The following ICA1 variants were observed in gnomAD, a reference collection of about 807,000 sequenced individuals.
ICA1 encodes 69 kDa islet cell autoantigen.
Under a neutral mutation model 71.0 loss-of-function variants are expected in ICA1, and 40 were observed. The observed-to-expected ratio is 0.56, with a 90% CI of 0.44 to 0.73. ICA1 has a LOEUF of 0.73. ICA1 is among the 30% of genes least tolerant of loss of function. The pLI is 0.00. For missense variants in ICA1, 578 were observed against 576.5 expected (o/e 1.00, Z -0.03); for synonymous variants, 207 against 209.5 (o/e 0.99, Z 0.10).
chr7:8,238,963 C>T (rs1802778000), intron 1 of ICA1, among the ~76,000 whole-genome samples: 1 of 152,170 alleles, frequency 6.6e-6, no homozygotes, highest in Non-Finnish European at 1.5e-5. Flanking sequence ...CATTCTTAAG[C>T]ACATTAAAGT....
chr7:8,171,278 T>C (rs1424493433), intron 6 of ICA1, among the ~76,000 whole-genome samples: 2 of 151,900 alleles, frequency 1.3e-5, no homozygotes, highest in Non-Finnish European at 3.0e-5. Context: ...AGAACTGAGG[T>C]TTCCTTTGTA....
intron 3 of ICA1, among the ~76,000 whole-genome samples, chr7:8,231,917 A>G (rs1800396573): frequency 6.6e-6 from 1 of 152,212 alleles, no homozygotes; most frequent in Non-Finnish European, 1.5e-5. Flanking sequence ...ACCTTAGTGT[A>G]TATATTAAAA....
chr7:8,169,901 A>AGTGTATGTGT, intron 6 of ICA1, among the ~76,000 whole-genome samples: 1 of 147,196 alleles, frequency 6.8e-6, no homozygotes, highest in Middle Eastern at 3.4e-3. Flanking sequence ...TTAATGCCTG[A>AGTGTATGTGT]GTGTGTGTGT....
chr7:8,157,485 C>G (rs1304027295), intron 7 of ICA1: 2 of 422,626 alleles, frequency 4.7e-6, no homozygotes, highest in Non-Finnish European at 8.3e-6. Context: ...TCTGATCCAT[C>G]CTCCAAAACC....
intron 6 of ICA1, among the ~76,000 whole-genome samples, chr7:8,211,894 T>C (rs1017250300): frequency 1.3e-5 from 2 of 152,156 alleles, no homozygotes; most frequent in Non-Finnish European, 2.9e-5. Flanking sequence ...AGACCACTTA[T>C]AGTCCTAAGT....
At chr7:8,117,697 C>T (rs1002158081) in intron 13 of ICA1, among the ~76,000 whole-genome samples, 2 of 152,126 alleles carry the variant, frequency 1.3e-5, no homozygotes, top group Admixed American at 6.5e-5. Context: ...GGCATACTCT[C>T]GTCACAGTGT....
rs113478525 is a variant in ICA1, at chr7:8,132,743, C to T, written c.1061-4601G>A. On this transcript the variant is annotated intron_variant, in intron 12 of 13. Coordinates refer to ENST00000402384, the MANE Select transcript of ICA1 (RefSeq NM_001136020.3). This position sits in a 1 kb window ranked among gnomAD's most constrained non-coding sequence, Gnocchi z 4.5. ...ATCCCAAACCATCATACCTTCCCTA[C>T]ATTCTCTATAGAAGATCTTTTCTAT... 2.2e-3 allele frequency among the ~76,000 whole-genome samples: 341 copies of T among 152,350 alleles called. 1 individual carries two copies. Among genetic ancestry groups the T allele is most frequent in the African/African-American group, 7.7e-3 (320 of 41,582 alleles).
intron 9 of ICA1, among the ~76,000 whole-genome samples, chr7:8,142,640 A>C (rs1795618411): frequency 6.6e-6 from 1 of 152,170 alleles, no homozygotes; most frequent in African/African-American, 2.4e-5. Flanking sequence ...CAGCCCCTTA[A>C]CCTTCCGGAA....
intron 13 of ICA1, among the ~76,000 whole-genome samples, chr7:8,122,222 C>T (rs192146397): frequency 3.9e-5 from 6 of 152,244 alleles, no homozygotes; most frequent in East Asian, 1.9e-4. Context: ...TGATAGCACA[C>T]GTGGTTCTCC....
chr7:8,176,197 T>G (rs955126212), intron 6 of ICA1, among the ~76,000 whole-genome samples: 1 of 152,244 alleles, frequency 6.6e-6, no homozygotes, highest in Non-Finnish European at 1.5e-5. Flanking sequence ...AGAGGTCTCC[T>G]TTCCCATGTT....
rs1434192775 is a variant in ICA1, at chr7:8,132,574, C to T, written c.1061-4432G>A. On this transcript the variant is annotated intron_variant, in intron 12 of 13. Transcript: ENST00000402384. The surrounding 1 kb of genome is among the most constrained non-coding windows in gnomAD (Gnocchi z 4.5). ...CTCTTTTCCCAGGCCTTTACCTGTA[C>T]AGCATCATTTGTACCACTGCCCAGC... Among the ~76,000 whole-genome samples, 1 of 152,194 alleles carries T rather than the reference C, an allele frequency of 6.6e-6. No individual in the cohort carries two copies. The highest frequency in any genetic ancestry group is 2.4e-5 in the African/African-American group (1 of 41,446).
chr7:8,217,977 A>G (rs1420201185), intron 6 of ICA1, among the ~76,000 whole-genome samples: 1 of 152,198 alleles, frequency 6.6e-6, no homozygotes, highest in Non-Finnish European at 1.5e-5. Flanking sequence ...AACCTCCCAG[A>G]TTCATTTGAT....
At chr7:8,233,014 T>C (rs1325305286) in intron 2 of ICA1, among the ~76,000 whole-genome samples, 1 of 148,236 alleles carries the variant, frequency 6.7e-6, no homozygotes, top group East Asian at 1.9e-4. Flanking sequence ...GAAAAGAATG[T>C]AGATATAACA....
At chr7:8,187,200 T>C (rs551611095) in intron 6 of ICA1, among the ~76,000 whole-genome samples, 3 of 152,294 alleles carry the variant, frequency 2.0e-5, no homozygotes, top group African/African-American at 4.8e-5. Flanking sequence ...TACACACCTA[T>C]ACTTTTTTAC....
At chr7:8,210,738 G>A (rs993802511) in intron 6 of ICA1, among the ~76,000 whole-genome samples, 2 of 152,010 alleles carry the variant, frequency 1.3e-5, no homozygotes, top group Non-Finnish European at 2.9e-5. Context: ...TTTTTGAAAC[G>A]GGGTCTCACT....
rs1332330863 is a variant in ICA1 at position 8,226,610 on chromosome 7, A to G, written c.256+1991T>C. On this transcript the variant is annotated intron_variant, in intron 4 of 13. Coordinates refer to ENST00000402384, the MANE Select transcript of ICA1 (RefSeq NM_001136020.3). The surrounding 1 kb of genome is among the most constrained non-coding windows in gnomAD (Gnocchi z 4.4). ...GCAACATCCTCAAATTAACCACACTATTTTTAGTCTTCCATCAAAGTTGGG... is the reference window on the plus strand; with the variant it reads ...GCAACATCCTCAAATTAACCACACTGTTTTTAGTCTTCCATCAAAGTTGGG... Among the ~76,000 whole-genome samples the G allele has an allele frequency of 6.6e-6, 1 of 152,120 alleles. No homozygotes were observed. Among genetic ancestry groups the G allele is most frequent in the Non-Finnish European group, 1.5e-5 (1 of 68,020 alleles).
At chr7:8,148,879 C>T (rs1797902297) in intron 8 of ICA1, among the ~76,000 whole-genome samples, 2 of 152,088 alleles carry the variant, frequency 1.3e-5, no homozygotes, top group Admixed American at 1.3e-4. Flanking sequence ...CCCCTTTATC[C>T]CCCCAAATTA....
chr7:8,173,195 C>G lies in ICA1; in HGVS notation c.580-14543G>C, dbSNP rs1779436885. ...AAGTAACCAGGGCTCCTTGACAAAA[C>G]TGCTGATTCCAGGACTAGGGAAGGA... On this transcript the variant is annotated intron_variant, in intron 6 of 13. Coordinates refer to ENST00000402384, the MANE Select transcript of ICA1 (RefSeq NM_001136020.3). The surrounding 1 kb of genome is among the most constrained non-coding windows in gnomAD (Gnocchi z 4.0). Among the ~76,000 whole-genome samples the G allele has an allele frequency of 2.6e-5, 4 of 152,140 alleles. No individual in the cohort carries two copies.
chr7:8,193,675 C>A (rs1786455312), intron 6 of ICA1, among the ~76,000 whole-genome samples: 1 of 152,158 alleles, frequency 6.6e-6, no homozygotes, highest in South Asian at 2.1e-4. Flanking sequence ...TGATATCATA[C>A]CGAAGTTAGA....
Sources: allele counts gnomAD v4.1 joint callset (sites outside exome capture counted in the v4.1 genomes callset), GRCh38; gene constraint gnomAD v4.1.1; non-coding constraint Gnocchi (gnomAD v3.1); transcripts MANE v1.5; gene names NCBI Gene and HGNC (gene_info 2026-07-23, HGNC 2026-07-21).